RARB: variants seen among roughly 807,000 people sequenced by gnomAD.
RARB encodes the protein HBV-activated protein.
Under a neutral mutation model 51.9 loss-of-function variants are expected in RARB, and 17 were observed. That is an observed-to-expected ratio of 0.33 (90% CI 0.22 to 0.49). The LOEUF (loss-of-function observed/expected upper bound fraction) is 0.49. Ranked by LOEUF, RARB falls within the 20% of genes least tolerant of loss-of-function variation. The pLI, the probability that RARB is intolerant of heterozygous loss-of-function variation, is 0.99. For missense variants in RARB, 369 were observed against 550.8 expected (o/e 0.67, Z 3.30); for synonymous variants, 215 against 195.4 (o/e 1.10, Z -0.84).
chr3:25,079,816 A>G (rs1698955553), intron 3 of RARB, among the ~76,000 whole-genome samples: 1 of 152,104 alleles, frequency 6.6e-6, no homozygotes, highest in African/African-American at 2.4e-5. Flanking sequence ...TTCATGAGGG[A>G]TGTTAGTCTA....
intron 5 of RARB, among the ~76,000 whole-genome samples, chr3:25,361,195 C>G (rs897428917): frequency 1.3e-5 from 2 of 152,152 alleles, no homozygotes; most frequent in Non-Finnish European, 2.9e-5. Flanking sequence ...TCTTTTTTCT[C>G]TAATCTTGTC....
At chr3:25,485,532 C>T (rs1313144023) in intron 2 of RARB, among the ~76,000 whole-genome samples, 1 of 152,180 alleles carries the variant, frequency 6.6e-6, no homozygotes, top group Non-Finnish European at 1.5e-5. Context: ...TTGCATTAAA[C>T]AGTGTGAGAC....
chr3:25,268,273 T>C (rs933914295), intron 5 of RARB, among the ~76,000 whole-genome samples: 5 of 152,254 alleles, frequency 3.3e-5, no homozygotes, highest in African/African-American at 1.2e-4. Context: ...GGCTGGTTCA[T>C]TATTTGATGT....
At chr3:25,488,993 AG>A (rs1696599904) in intron 2 of RARB, among the ~76,000 whole-genome samples, 2 of 152,232 alleles carry the variant, frequency 1.3e-5, no homozygotes, top group Non-Finnish European at 2.9e-5. Flanking sequence ...GAAATGGAAA[AG>A]CAGAGAGGTA....
chr3:25,413,424 A>G (rs959135790), intron 5 of RARB, among the ~76,000 whole-genome samples: 1 of 152,194 alleles, frequency 6.6e-6, no homozygotes, highest in Admixed American at 6.5e-5. Context: ...GATTAGTACA[A>G]TTATGATTAT....
intron 3 of RARB, among the ~76,000 whole-genome samples, chr3:25,067,188 G>A (rs1559453845): frequency 2.0e-5 from 3 of 152,238 alleles, no homozygotes; most frequent in African/African-American, 4.8e-5. Context: ...TGATTTGAGC[G>A]TCCTTGTCAT....
intron 5 of RARB, among the ~76,000 whole-genome samples, chr3:25,191,749 T>C (rs1045119760): frequency 6.6e-6 from 1 of 152,112 alleles, no homozygotes; most frequent in Admixed American, 6.6e-5. Context: ...TCCCAAATTA[T>C]ACTCCCTCAG....
intron 3 of RARB, among the ~76,000 whole-genome samples, chr3:25,535,364 A>AT (rs1339646615): frequency 2.0e-5 from 3 of 150,264 alleles, no homozygotes; most frequent in African/African-American, 7.4e-5. Context: ...CCTGCTGGCC[A>AT]TGGGACATCG....
chr3:25,491,954 A>G lies in RARB; in HGVS notation c.307-9228A>G, dbSNP rs1270603251. Among the ~76,000 whole-genome samples the G allele has an allele frequency of 1.3e-4, 19 of 141,678 alleles. No homozygotes were observed. In the Admixed American group the frequency reaches 1.3e-3, roughly 10 times the overall value. The allele number at this position is 141,678 out of a possible 152,430, so 92.9% of individuals were successfully genotyped here. A position where few individuals can be genotyped will look rare whatever the true frequency, so the allele number is the denominator to read the frequency against. On this transcript the variant is annotated intron_variant, in intron 2 of 7. Transcript: ENST00000330688. ...AGACTCTGTCTCAAAAAAAAAAAAA[A>G]ATTATAAAATTATTTTGAATTTTAA...
intron 2 of RARB, among the ~76,000 whole-genome samples, chr3:25,462,930 A>T (rs1355205161): frequency 6.6e-6 from 1 of 152,246 alleles, no homozygotes; most frequent in Non-Finnish European, 1.5e-5. Flanking sequence ...TACTTCTGCC[A>T]CACTATTGGC....
At chr3:25,439,808 A>G (rs1708585753) in intron 1 of RARB, among the ~76,000 whole-genome samples, 1 of 152,222 alleles carries the variant, frequency 6.6e-6, no homozygotes, top group African/African-American at 2.4e-5. Flanking sequence ...ATTTTGAGGA[A>G]AAAGAGACAG....
intron 5 of RARB, among the ~76,000 whole-genome samples, chr3:25,246,825 G>A (rs1397032704): frequency 6.6e-6 from 1 of 152,182 alleles, no homozygotes; most frequent in African/African-American, 2.4e-5. Flanking sequence ...GACGCAGTCT[G>A]TCCCTTAGCA....
intron 3 of RARB, among the ~76,000 whole-genome samples, chr3:25,563,850 T>C (rs1241050083): frequency 6.6e-6 from 1 of 152,188 alleles, no homozygotes; most frequent in East Asian, 1.9e-4. Context: ...AATTCCAGAC[T>C]TTAATTTTCA....
intron 3 of RARB, among the ~76,000 whole-genome samples, chr3:25,528,425 A>G (rs1698749319): frequency 6.6e-6 from 1 of 152,056 alleles, no homozygotes; most frequent in Non-Finnish European, 1.5e-5. Context: ...GACAGGGGAA[A>G]TTCCAGCATG....
chr3:24,971,992 T>TTATTC (rs58173788), intron 2 of RARB, among the ~76,000 whole-genome samples: 2 of 151,328 alleles, frequency 1.3e-5, no homozygotes, highest in Non-Finnish European at 3.0e-5. Context: ...TTATTTTTCT[T>TTATTC]TAGGAACATT....
chr3:25,292,858 C>T (rs1282850463), intron 5 of RARB, among the ~76,000 whole-genome samples: 1 of 152,114 alleles, frequency 6.6e-6, no homozygotes. Flanking sequence ...AGGCTGGTCA[C>T]TTAGAAATAG....
At chr3:24,887,234 G>A (rs953314576) in intron 2 of RARB, among the ~76,000 whole-genome samples, 1 of 152,222 alleles carries the variant, frequency 6.6e-6, no homozygotes, top group Non-Finnish European at 1.5e-5. Context: ...TTTCAAGGCG[G>A]CGGGGTGGAG....
At chr3:25,387,305 G>A (rs1331877696) in intron 5 of RARB, among the ~76,000 whole-genome samples, 1 of 152,034 alleles carries the variant, frequency 6.6e-6, no homozygotes, top group East Asian at 1.9e-4. Context: ...CTTTATTGAA[G>A]AAAATAAATT....
chr3:25,383,591 A>G lies in RARB; in HGVS notation c.179-77602A>G, dbSNP rs139380759. On this transcript the variant is annotated intron_variant, in intron 5 of 11. Coordinates refer to the RARB transcript ENST00000383772. ...CTATATTTATGTTATCTCATATGGTAACCACTAAAGAGCTACATTTTTTTA... is the reference window on the plus strand; with the variant it reads ...CTATATTTATGTTATCTCATATGGTGACCACTAAAGAGCTACATTTTTTTA... 2.6e-3 allele frequency among the ~76,000 whole-genome samples: 393 copies of G among 152,350 alleles called. 4 individuals are homozygous for G. Among genetic ancestry groups the G allele is most frequent in the African/African-American group, 9.2e-3 (383 of 41,586 alleles).
Sources: allele counts gnomAD v4.1 joint callset (sites outside exome capture counted in the v4.1 genomes callset), GRCh38; gene constraint gnomAD v4.1.1; transcripts MANE v1.5; gene names NCBI Gene and HGNC (gene_info 2026-07-23, HGNC 2026-07-21).